SMAD4: variants seen among roughly 807,000 people sequenced by gnomAD.
SMAD4 encodes the protein SMAD family member 4.
SMAD4 carries 7 observed loss-of-function variants against 63.2 expected under a neutral mutation model. The ratio of observed to expected loss-of-function variants is 0.11; its 90% confidence interval spans 0.06 to 0.21. The LOEUF is 0.21. Among genes scored for constraint, SMAD4 ranks in the 10% least tolerant of loss-of-function variants. The pLI, the probability that SMAD4 is intolerant of heterozygous loss-of-function variation, is 1.00. For missense variants in SMAD4, 312 were observed against 693.8 expected (o/e 0.45, Z 6.18); for synonymous variants, 215 against 235.4 (o/e 0.91, Z 0.79).
At chr18:51,066,643 G>T in intron 9 of SMAD4, among the ~76,000 whole-genome samples, 1 of 152,154 alleles carries the variant, frequency 6.6e-6, no homozygotes. Context: ...TCACTTGATT[G>T]ACTAATCGGA....
At chr18:51,050,796 A>G (rs911225047) in intron 4 of SMAD4, among the ~76,000 whole-genome samples, 5 of 152,116 alleles carry the variant, frequency 3.3e-5, no homozygotes, top group Admixed American at 6.5e-5. Flanking sequence ...ACCTTAACCA[A>G]AATTTAGGAA....
intron 1 of SMAD4, among the ~76,000 whole-genome samples, chr18:51,038,571 C>A (rs541942800): frequency 1.3e-5 from 2 of 152,174 alleles, no homozygotes. Flanking sequence ...ATGTGAGACA[C>A]GTTTTCTTCA....
intron 10 of SMAD4, among the ~76,000 whole-genome samples, chr18:51,073,434 CCAT>C (rs1460960671): frequency 8.2e-6 from 1 of 121,590 alleles, no homozygotes; most frequent in African/African-American, 3.0e-5. Flanking sequence ...CACACACACA[CCAT>C]ACTTGGTTAG....
At chr18:51,067,701 C>CT (rs1389026499) in intron 10 of SMAD4, among the ~76,000 whole-genome samples, 12 of 152,198 alleles carry the variant, frequency 7.9e-5, no homozygotes, top group African/African-American at 2.7e-4. Flanking sequence ...GTGTGAACCA[C>CT]TGTGCCAGGC....
At chr18:51,037,943 C>T (rs1909253527) in intron 1 of SMAD4, among the ~76,000 whole-genome samples, 1 of 152,022 alleles carries the variant, frequency 6.6e-6, no homozygotes, top group South Asian at 2.1e-4. Context: ...TTTCTTAATA[C>T]TTAAAGACTT....
chr18:51,033,789 A>G (rs1490477903), intron 1 of SMAD4, among the ~76,000 whole-genome samples: 1 of 152,322 alleles, frequency 6.6e-6, no homozygotes, highest in African/African-American at 2.4e-5. Flanking sequence ...AGGTTGTGTC[A>G]CCTTAACACT....
At chr18:51,052,931 A>C (rs959662396) in intron 4 of SMAD4, 1 of 152,756 alleles carries the variant, frequency 6.5e-6, no homozygotes, top group Non-Finnish European at 1.5e-5. Flanking sequence ...TGGCAAAAAT[A>C]TATTGCAGAC....
intron 10 of SMAD4, among the ~76,000 whole-genome samples, chr18:51,073,197 A>G (rs1910363075): frequency 6.6e-6 from 1 of 151,730 alleles, no homozygotes; most frequent in Admixed American, 6.6e-5. Flanking sequence ...GGCTGAAACA[A>G]TCCTAATTGC....
intron 8 of SMAD4, among the ~76,000 whole-genome samples, chr18:51,063,740 C>G (rs1910079633): frequency 2.0e-5 from 3 of 152,300 alleles, no homozygotes; most frequent in Middle Eastern, 3.4e-3. Flanking sequence ...TACTTCAAAA[C>G]TGGCTTTTTA....
rs146670818 is a variant in SMAD4, at chr18:51,063,417, T to A, written c.956-2006T>A. On this transcript the variant is annotated intron_variant, in intron 8 of 11. Coordinates refer to ENST00000342988, the MANE Select transcript of SMAD4 (RefSeq NM_005359.6). The stretch of plus-strand genomic sequence containing the variant: ...TTTTCTATAGACAATATATATATAT[T>A]TTTTTAAATTTTTGAGACGGGGTCT... Among the ~76,000 whole-genome samples, 1,211 of 152,016 alleles carry A rather than the reference T, an allele frequency of 8.0e-3. 8 individuals are homozygous for A. Among genetic ancestry groups the A allele is most frequent in the Middle Eastern group, 0.017 (5 of 292 alleles).
chr18:51,044,610 C>T (rs376077921), intron 1 of SMAD4, among the ~76,000 whole-genome samples: 19 of 152,262 alleles, frequency 1.2e-4, no homozygotes, highest in African/African-American at 4.3e-4. Flanking sequence ...CCAGGCTGGT[C>T]TCAAACTCCT....
chr18:51,058,470 T>G lies in SMAD4; in HGVS notation c.904+14T>G. 1 of 1,592,336 alleles carries G rather than the reference T, an allele frequency of 6.3e-7. No individual in the cohort carries two copies. The highest frequency in any genetic ancestry group is 8.6e-7 in the Non-Finnish European group (1 of 1,162,696). ...CCGGACATTACTGTAAGCTCTTGTT[T>G]TTGTTGTAAGGGCTATTTTTTTTTT... is the stretch of plus-strand genomic sequence containing the variant. On this transcript the variant is annotated intron_variant, in intron 7 of 11. Transcript: ENST00000342988.
intron 1 of SMAD4, among the ~76,000 whole-genome samples, chr18:51,042,831 A>G (rs1909431233): frequency 6.6e-6 from 1 of 152,146 alleles, no homozygotes; most frequent in Admixed American, 6.5e-5. Flanking sequence ...CCTCTTGTTA[A>G]TTCATTTTCT....
intron 4 of SMAD4, among the ~76,000 whole-genome samples, chr18:51,051,736 C>T (rs1026503908): frequency 2.0e-5 from 3 of 152,032 alleles, no homozygotes; most frequent in Admixed American, 6.6e-5. Context: ...GAACACAGAC[C>T]TAAGGTGGGC....
chr18:51,040,886 C>T (rs1909359525), intron 1 of SMAD4, among the ~76,000 whole-genome samples: 1 of 152,228 alleles, frequency 6.6e-6, no homozygotes, highest in Non-Finnish European at 1.5e-5. Context: ...CTCATCTCTT[C>T]AAACTCAAGA....
At chr18:51,035,357 T>C (rs1909174030) in intron 1 of SMAD4, among the ~76,000 whole-genome samples, 1 of 150,458 alleles carries the variant, frequency 6.6e-6, no homozygotes, top group African/African-American at 2.5e-5. Context: ...GGAGACTAAT[T>C]ACTTTAAGTC....
chr18:51,054,364 T>C (rs947711085), intron 4 of SMAD4: 2 of 210,214 alleles, frequency 9.5e-6, no homozygotes, highest in Non-Finnish European at 1.9e-5. Flanking sequence ...CAAAAAGATA[T>C]AGTTAAATAC....
chr18:51,066,269 A>C, intron 9 of SMAD4, among the ~76,000 whole-genome samples: 1 of 150,824 alleles, frequency 6.6e-6, no homozygotes, highest in East Asian at 2.0e-4. Flanking sequence ...GCTTGAACCC[A>C]GGAGGTGGAG....
intron 10 of SMAD4, among the ~76,000 whole-genome samples, chr18:51,068,390 A>G (rs1289396644): frequency 6.6e-6 from 1 of 152,162 alleles, no homozygotes; most frequent in Admixed American, 6.5e-5. Flanking sequence ...TCACTCATAA[A>G]ATATTTCTGT....
Sources: gnomAD v4.1 joint callset for allele counts (sites outside exome capture counted in the v4.1 genomes callset) on GRCh38, gnomAD v4.1.1 for gene constraint, MANE v1.5 for transcripts, NCBI Gene and HGNC (gene_info 2026-07-23, HGNC 2026-07-21) for gene names.